The following CD96 variants were observed in gnomAD, a reference collection of about 807,000 sequenced individuals.
CD96 encodes the protein T-cell surface protein tactile.
A neutral mutation model predicts 71.3 loss-of-function variants in CD96; 70 were observed. That is an observed-to-expected ratio of 0.98 (90% CI 0.81 to 1.20). CD96 has a LOEUF of 1.20. Ranked by LOEUF, CD96 falls within the 50% of genes most tolerant of loss-of-function variation. The pLI is 0.00. For synonymous variants in CD96, 248 were observed against 233.0 expected (o/e 1.06, Z -0.59); for missense variants, 742 against 677.5 (o/e 1.10, Z -1.06).
At chr3:111,664,730 T>A (rs1282710639) in intron 14 of CD96, among the ~76,000 whole-genome samples, 2 of 152,144 alleles carry the variant, frequency 1.3e-5, no homozygotes, top group East Asian at 1.9e-4. Context: ...AATGTCAATA[T>A]AAAGAAAGGC....
intron 2 of CD96, among the ~76,000 whole-genome samples, chr3:111,555,621 G>C (rs1221369334): frequency 6.6e-6 from 1 of 152,292 alleles, no homozygotes; most frequent in Non-Finnish European, 1.5e-5. Flanking sequence ...TTGGTTGGTT[G>C]GTTTTTGCTC....
Position 111,650,780 on chromosome 3 carries a change from T to C in CD96, c.*974T>C, listed in dbSNP as rs1940041700. The C allele has an allele frequency of 6.6e-6, 1 of 152,242 alleles. No individual in the cohort carries two copies. The highest frequency in any genetic ancestry group is 1.5e-5 in the Non-Finnish European group (1 of 68,064). The allele number at this position is 152,242 out of a possible 1,614,324, so 9.4% of individuals were successfully genotyped here. A position where few individuals can be genotyped will look rare whatever the true frequency, so the allele number is the denominator to read the frequency against. ...TTTAAAGCAGTTGAAGCAGAATGTA[T>C]AGGTGTCAGAGAAGAAACCTAGTCA... On this transcript the variant is annotated 3_prime_UTR_variant, in exon 14 of 14. Transcript: ENST00000352690.
chr3:111,567,047 CCA>C (rs1178472762), intron 2 of CD96, among the ~76,000 whole-genome samples: 1 of 152,006 alleles, frequency 6.6e-6, no homozygotes, highest in African/African-American at 2.4e-5. Flanking sequence ...AACAGGATGT[CCA>C]CAGTGGGGGA....
chr3:111,610,369 T>C (rs1937857026), intron 8 of CD96, among the ~76,000 whole-genome samples: 1 of 152,128 alleles, frequency 6.6e-6, no homozygotes, highest in Non-Finnish European at 1.5e-5. Context: ...AGAAAGGAAG[T>C]GAGATGAAGT....
intron 5 of CD96, among the ~76,000 whole-genome samples, chr3:111,597,036 C>T (rs773871140): frequency 3.9e-5 from 6 of 152,192 alleles, no homozygotes; most frequent in Non-Finnish European, 7.3e-5. Flanking sequence ...GGTTTCTCAG[C>T]TCTATAGGCC....
chr3:111,635,336 A>G (rs981445033), intron 10 of CD96, among the ~76,000 whole-genome samples: 2 of 152,148 alleles, frequency 1.3e-5, no homozygotes, highest in African/African-American at 4.8e-5. Context: ...AAAACAAAAA[A>G]CCTCAAAGTC....
chr3:111,555,431 C>A (rs1358934696), intron 2 of CD96, among the ~76,000 whole-genome samples: 1 of 152,276 alleles, frequency 6.6e-6, no homozygotes, highest in Non-Finnish European at 1.5e-5. Flanking sequence ...TGAATTCTTT[C>A]AGATTTTTTC....
At chr3:111,559,080 T>C (rs1170353612) in intron 2 of CD96, among the ~76,000 whole-genome samples, 2 of 151,888 alleles carry the variant, frequency 1.3e-5, no homozygotes, top group African/African-American at 4.8e-5. Context: ...TTATTGTGTC[T>C]ATTTGATTCT....
At chr3:111,619,485 TTA>T (rs1938411018) in intron 8 of CD96, among the ~76,000 whole-genome samples, 1 of 152,166 alleles carries the variant, frequency 6.6e-6, no homozygotes, top group South Asian at 2.1e-4. Context: ...TAATAAACAT[TTA>T]CATTGAAGAA....
chr3:111,615,546 T>C (rs1016709623), intron 8 of CD96, among the ~76,000 whole-genome samples: 1 of 152,186 alleles, frequency 6.6e-6, no homozygotes, highest in African/African-American at 2.4e-5. Context: ...AGGTAGGAAA[T>C]AGAGTGGCTG....
At chr3:111,594,052 C>G in intron 5 of CD96, 2 of 1,614,166 alleles carry the variant, frequency 1.2e-6, no homozygotes, top group East Asian at 4.5e-5. Context: ...ACCGGGTGCC[C>G]TTGTTGTGGG....
intron 13 of CD96, among the ~76,000 whole-genome samples, chr3:111,648,145 A>G (rs578227181): frequency 1.3e-4 from 20 of 152,346 alleles, no homozygotes; most frequent in Non-Finnish European, 1.5e-5. Context: ...CCCAAGCAGA[A>G]AAGAAAGTAA....
At chr3:111,550,077 G>A (rs1461312293) in intron 2 of CD96, among the ~76,000 whole-genome samples, 1 of 152,052 alleles carries the variant, frequency 6.6e-6, no homozygotes, top group Non-Finnish European at 1.5e-5. Flanking sequence ...ATAATGAAGA[G>A]CAATTAAAGA....
chr3:111,665,178 T>C, intron 14 of CD96, among the ~76,000 whole-genome samples: 1 of 151,084 alleles, frequency 6.6e-6, no homozygotes, highest in Non-Finnish European at 1.5e-5. Context: ...AATAAGTGTG[T>C]GTGTGTGTGT....
At chr3:111,611,325 G>A (rs2107677549) in intron 8 of CD96, among the ~76,000 whole-genome samples, 1 of 152,256 alleles carries the variant, frequency 6.6e-6, no homozygotes, top group Non-Finnish European at 1.5e-5. Context: ...AACTGACCAG[G>A]GGATGCAACA....
At chr3:111,582,575 C>A (rs1252464116) in intron 4 of CD96, among the ~76,000 whole-genome samples, 2 of 152,100 alleles carry the variant, frequency 1.3e-5, no homozygotes, top group Admixed American at 1.3e-4. Context: ...TGCATTAGTT[C>A]ATTTTCATGC....
chr3:111,615,279 G>A (rs1938172421), intron 8 of CD96, among the ~76,000 whole-genome samples: 1 of 152,204 alleles, frequency 6.6e-6, no homozygotes, highest in East Asian at 1.9e-4. Context: ...ATAGTGTGAT[G>A]GATGGAAGAT....
At chr3:111,648,777 A>T (rs1263355383) in intron 13 of CD96, among the ~76,000 whole-genome samples, 1 of 152,174 alleles carries the variant, frequency 6.6e-6, no homozygotes, top group Non-Finnish European at 1.5e-5. Flanking sequence ...CTCTCCTAAG[A>T]TGCTATGGAT....
At chr3:111,572,816 G>T (rs922407203) in intron 3 of CD96, among the ~76,000 whole-genome samples, 21 of 152,312 alleles carry the variant, frequency 1.4e-4, no homozygotes, top group African/African-American at 5.1e-4. Context: ...GGTTATAATT[G>T]GGATTCTGTC....
Sources: gnomAD v4.1 joint callset for allele counts (sites outside exome capture counted in the v4.1 genomes callset) on GRCh38, gnomAD v4.1.1 for gene constraint, MANE v1.5 for transcripts, NCBI Gene and HGNC (gene_info 2026-07-23, HGNC 2026-07-21) for gene names.